KCNIP4: variants seen among roughly 807,000 people sequenced by gnomAD.
KCNIP4 encodes the protein Kv channel-interacting protein 4.
In KCNIP4, 12 loss-of-function variants were observed where a neutral mutation model predicts 34.0. The ratio of observed to expected loss-of-function variants is 0.35; its 90% CI spans 0.23 to 0.57. KCNIP4 has a LOEUF of 0.57. Ranked by LOEUF, KCNIP4 falls within the 20% of genes least tolerant of loss-of-function variation. KCNIP4 has a pLI of 0.83. For synonymous variants in KCNIP4, 124 were observed against 102.2 expected (o/e 1.21, Z -1.29); for missense variants, 238 against 311.7 (o/e 0.76, Z 1.78).
chr4:21,393,006 T>G (rs1176304798), intron 1 of KCNIP4, among the ~76,000 whole-genome samples: 1 of 152,154 alleles, frequency 6.6e-6, no homozygotes, highest in Non-Finnish European at 1.5e-5. Context: ...TTAAACACAT[T>G]GATTTGGGTA....
chr4:21,195,316 G>T (rs370392004), intron 1 of KCNIP4, among the ~76,000 whole-genome samples: 1 of 152,218 alleles, frequency 6.6e-6, no homozygotes, highest in East Asian at 1.9e-4. Flanking sequence ...GGGAATATAT[G>T]TGTACTCAAA....
At chr4:21,698,716 G>C (rs537690389) in intron 1 of KCNIP4, among the ~76,000 whole-genome samples, 1 of 152,092 alleles carries the variant, frequency 6.6e-6, no homozygotes, top group Non-Finnish European at 1.5e-5. Context: ...CACAGATGGG[G>C]CCATATTTTA....
intron 1 of KCNIP4, among the ~76,000 whole-genome samples, chr4:21,676,156 C>T (rs1212242102): frequency 6.6e-6 from 1 of 152,158 alleles, no homozygotes; most frequent in Non-Finnish European, 1.5e-5. Flanking sequence ...ACTGCCTTCA[C>T]CAGCTGTTTT....
chr4:20,927,522 C>T (rs547429567), intron 1 of KCNIP4, among the ~76,000 whole-genome samples: 141 of 152,208 alleles, frequency 9.3e-4, no homozygotes, highest in Non-Finnish European at 1.5e-3. Flanking sequence ...AGACTATACT[C>T]GCTTACATTT....
Position 21,288,679 on chromosome 4 carries a change from G to A in KCNIP4, c.62-405970C>T, listed in dbSNP as rs1231064973. 4.6e-5 allele frequency among the ~76,000 whole-genome samples: 7 copies of A among 152,162 alleles called. No homozygotes were observed. In the East Asian group the frequency reaches 1.2e-3, roughly 25 times the overall value. On this transcript the variant is annotated intron_variant, in intron 1 of 8. Coordinates refer to ENST00000382152, the MANE Select transcript of KCNIP4 (RefSeq NM_025221.6). ...AAATTGGGTAAGTTCTTGGGCCTGG[G>A]TTCAAATTCAGATGATTGCGTCAGA...
intron 1 of KCNIP4, among the ~76,000 whole-genome samples, chr4:21,389,710 A>G (rs1418426961): frequency 6.6e-6 from 1 of 151,932 alleles, no homozygotes; most frequent in Non-Finnish European, 1.5e-5. Context: ...ATTGATGGAC[A>G]TTTGCGTTGG....
At chr4:21,778,384 G>A (rs554014797) in intron 1 of KCNIP4, among the ~76,000 whole-genome samples, 289 of 150,854 alleles carry the variant, frequency 1.9e-3, no homozygotes, top group Middle Eastern at 3.4e-3. Flanking sequence ...ACAGGTGCAC[G>A]CCACCACACT....
chr4:21,723,922 A>G (rs1275592650), intron 1 of KCNIP4, among the ~76,000 whole-genome samples: 1 of 152,062 alleles, frequency 6.6e-6, no homozygotes, highest in Non-Finnish European at 1.5e-5. Flanking sequence ...ATCTTTAGGA[A>G]AAGAGCCAAG....
chr4:21,571,926 G>T (rs16871483), intron 1 of KCNIP4, among the ~76,000 whole-genome samples: 3,444 of 152,210 alleles, frequency 0.023, 151 homozygotes, highest in African/African-American at 0.078. Context: ...CATAGGATAT[G>T]TATGGCACAC....
At position 21,861,477 on chromosome 4, in the gene KCNIP4, C is replaced by A. The variant is rs1250976910; in HGVS notation, c.61+87094G>T. Among the ~76,000 whole-genome samples the A allele has an allele frequency of 3.3e-5, 5 of 152,010 alleles. No homozygotes were observed. The East Asian group carries it at 9.7e-4, about 29-fold the overall frequency. ...AACCTGCCTGGCCAACATGGTGAAA[C>A]CCCATCTCTATTAAAAATACAAAAA... is the stretch of plus-strand genomic sequence containing the variant. On this transcript the variant is annotated intron_variant, in intron 1 of 8. Coordinates refer to ENST00000382152, the MANE Select transcript of KCNIP4 (RefSeq NM_025221.6).
At chr4:20,743,469 A>G (rs1040732208) in intron 5 of KCNIP4, among the ~76,000 whole-genome samples, 2 of 152,204 alleles carry the variant, frequency 1.3e-5, no homozygotes, top group African/African-American at 2.4e-5. Flanking sequence ...AATACCACAC[A>G]TCTACAACCA....
chr4:21,255,684 G>C (rs1761015401), intron 1 of KCNIP4, among the ~76,000 whole-genome samples: 1 of 151,724 alleles, frequency 6.6e-6, no homozygotes, highest in African/African-American at 2.4e-5. Context: ...TTGTTATAGA[G>C]GCTCAACCAG....
intron 1 of KCNIP4, among the ~76,000 whole-genome samples, chr4:21,070,728 T>G (rs1022601076): frequency 7.8e-6 from 1 of 128,554 alleles, no homozygotes; most frequent in Non-Finnish European, 1.6e-5. Flanking sequence ...CAGGCTGGAG[T>G]GCGGTGGTGC....
At chr4:20,738,432 G>A (rs1458955021) in intron 5 of KCNIP4, among the ~76,000 whole-genome samples, 1 of 152,138 alleles carries the variant, frequency 6.6e-6, no homozygotes, top group Admixed American at 6.5e-5. Context: ...CAAGAATTAT[G>A]ATTCATTAGG....
chr4:20,803,514 G>A (rs895192632), intron 3 of KCNIP4, among the ~76,000 whole-genome samples: 3 of 142,012 alleles, frequency 2.1e-5, no homozygotes, highest in Admixed American at 1.4e-4. Context: ...AAAATTAGCT[G>A]GGTGTGGTGT....
intron 1 of KCNIP4, among the ~76,000 whole-genome samples, chr4:21,039,944 G>T (rs28453770): frequency 0.028 from 4,264 of 152,242 alleles, 178 homozygotes; most frequent in African/African-American, 0.096. Flanking sequence ...GTTCCTCATG[G>T]CTGGGGAGGC....
chr4:21,579,967 C>G (rs576814180), intron 1 of KCNIP4, among the ~76,000 whole-genome samples: 1 of 152,010 alleles, frequency 6.6e-6, no homozygotes, highest in Non-Finnish European at 1.5e-5. Context: ...AACATTACAA[C>G]GAGAATTATC....
intron 1 of KCNIP4, among the ~76,000 whole-genome samples, chr4:21,670,963 CTTT>C (rs1168451300): frequency 6.7e-4 from 94 of 139,550 alleles, no homozygotes; most frequent in African/African-American, 2.3e-3. Context: ...GCTGAGTAAA[CTTT>C]TTTTTTTTTT....
At chr4:20,940,416 T>G (rs762017305) in intron 1 of KCNIP4, among the ~76,000 whole-genome samples, 1 of 152,208 alleles carries the variant, frequency 6.6e-6, no homozygotes, top group Non-Finnish European at 1.5e-5. Context: ...GGACACAAAA[T>G]AGTCAATAAA....
Sources: allele counts gnomAD v4.1 joint callset (sites outside exome capture counted in the v4.1 genomes callset), GRCh38; gene constraint gnomAD v4.1.1; transcripts MANE v1.5; gene names NCBI Gene and HGNC (gene_info 2026-07-23, HGNC 2026-07-21).